The following TENM3 variants were observed in gnomAD, a reference collection of about 807,000 sequenced individuals.
TENM3 encodes teneurin-3.
In TENM3, 63 loss-of-function variants were observed where a neutral mutation model predicts 255.1. That is an observed-to-expected ratio of 0.25 (90% CI 0.20 to 0.30). TENM3 has a LOEUF of 0.30. Among genes scored for constraint, TENM3 ranks in the 10% least tolerant of loss-of-function variants. The pLI is 1.00. For missense variants in TENM3, 2,929 were observed against 3,461.1 expected, an observed-to-expected ratio of 0.85 and a Z score of 3.86; for synonymous variants, 1,306 against 1,322.3, an observed-to-expected ratio of 0.99 and a Z score of 0.27.
the TENM3 span, among the ~76,000 whole-genome samples, chr4:181,913,507 G>C: frequency 1.3e-5 from 2 of 152,130 alleles, no homozygotes; most frequent in Non-Finnish European, 2.9e-5. Flanking sequence ...TTTCCCTGTT[G>C]GCTAGGGTTA....
chr4:182,546,241 TTCAAACCCC>T (rs1289309074), intron 3 of TENM3, among the ~76,000 whole-genome samples: 1 of 152,196 alleles, frequency 6.6e-6, no homozygotes, highest in African/African-American at 2.4e-5. Flanking sequence ...GCCTGCACAG[TTCAAACCCC>T]TGTTGTTGAA....
chr4:182,628,563 G>C (rs1751049520), intron 4 of TENM3, 88 bp from the exon 5 acceptor site: 1 of 797,484 alleles, frequency 1.3e-6, no homozygotes, highest in African/African-American at 1.7e-5. Flanking sequence ...GAGAGCAAAA[G>C]AGACAGGAGA....
the TENM3 span, among the ~76,000 whole-genome samples, chr4:181,783,494 T>G: frequency 7.2e-5 from 11 of 152,172 alleles, no homozygotes; most frequent in Non-Finnish European, 1.5e-4. Context: ...GTTCACATTA[T>G]TTTTTCTTTT....
chr4:181,555,077 C>A, the TENM3 span, among the ~76,000 whole-genome samples: 17 of 152,280 alleles, frequency 1.1e-4, no homozygotes, highest in East Asian at 3.3e-3. Context: ...CCTTTTCTAG[C>A]AGTATTGCCT....
At chr4:181,901,190 A>T in the TENM3 span, among the ~76,000 whole-genome samples, 3 of 152,228 alleles carry the variant, frequency 2.0e-5, no homozygotes, top group Non-Finnish European at 4.4e-5. Flanking sequence ...TACCAAAAAA[A>T]ATATATGAGC....
chr4:181,448,720 T>C, the TENM3 span, among the ~76,000 whole-genome samples: 2 of 152,216 alleles, frequency 1.3e-5, no homozygotes, highest in African/African-American at 2.4e-5. Context: ...AGATAGGATA[T>C]GTAGATCTAA....
chr4:182,786,547 A>ACC (rs373958308), intron 24 of TENM3, among the ~76,000 whole-genome samples: 3 of 131,346 alleles, frequency 2.3e-5, no homozygotes, highest in African/African-American at 9.8e-5. Context: ...ACAGAGTGAG[A>ACC]CCCCGTCTTA....
At chr4:182,152,312 T>C (rs549159456) in intron 1 of TENM3, among the ~76,000 whole-genome samples, 2 of 152,102 alleles carry the variant, frequency 1.3e-5, no homozygotes, top group African/African-American at 4.8e-5. Context: ...AATTTCAACT[T>C]GTTTTTCTTC....
At chr4:181,978,240 C>T in the TENM3 span, among the ~76,000 whole-genome samples, 5 of 152,096 alleles carry the variant, frequency 3.3e-5, no homozygotes, top group African/African-American at 9.7e-5. Flanking sequence ...TGGTGGGAAC[C>T]GAGGCACAGA....
chr4:182,788,072 C>T (rs1323125606), intron 24 of TENM3, among the ~76,000 whole-genome samples: 1 of 152,076 alleles, frequency 6.6e-6, no homozygotes, highest in Non-Finnish European at 1.5e-5. Flanking sequence ...TAAAATTGGT[C>T]AGCTGGATCT....
chr4:181,713,018 C>T, the TENM3 span, among the ~76,000 whole-genome samples: 1 of 152,316 alleles, frequency 6.6e-6, no homozygotes. Context: ...TGAACATTCA[C>T]AGGTAAAAAA....
At chr4:182,432,227 C>A (rs146221282) in intron 3 of TENM3, among the ~76,000 whole-genome samples, 14 of 152,166 alleles carry the variant, frequency 9.2e-5, no homozygotes, top group African/African-American at 2.9e-4. Context: ...AAAATTTCTA[C>A]GTGTAAAAGT....
At chr4:181,888,885 A>G in the TENM3 span, among the ~76,000 whole-genome samples, 23 of 151,514 alleles carry the variant, frequency 1.5e-4, no homozygotes, top group African/African-American at 5.6e-4. Context: ...TTCCCTCCAC[A>G]TTTTTGTTCT....
intron 6 of TENM3, among the ~76,000 whole-genome samples, chr4:182,656,020 T>A (rs1287237114): frequency 6.6e-6 from 1 of 152,220 alleles, no homozygotes; most frequent in African/African-American, 2.4e-5. Context: ...GAAATACTGC[T>A]TTGGTAGCCT....
the TENM3 span, among the ~76,000 whole-genome samples, chr4:181,575,683 G>A: frequency 1.3e-5 from 2 of 152,264 alleles, no homozygotes; most frequent in South Asian, 4.1e-4. Context: ...CTGAATCAGT[G>A]CTCTTACACT....
chr4:181,733,697 G>A, the TENM3 span, among the ~76,000 whole-genome samples: 2 of 152,132 alleles, frequency 1.3e-5, no homozygotes, highest in South Asian at 4.1e-4. Flanking sequence ...GGAAAGGAGA[G>A]GCTCCAGATC....
intron 1 of TENM3, among the ~76,000 whole-genome samples, chr4:182,160,789 A>G (rs887118647): frequency 6.6e-6 from 1 of 152,126 alleles, no homozygotes; most frequent in East Asian, 1.9e-4. Context: ...ATAATAAGCT[A>G]TTGTATATTT....
At chr4:182,313,847 C>T (rs563396980) in intron 1 of TENM3, among the ~76,000 whole-genome samples, 1 of 152,258 alleles carries the variant, frequency 6.6e-6, no homozygotes, top group African/African-American at 2.4e-5. Flanking sequence ...CATGCTGATG[C>T]CACCTCTAAC....
chr4:182,477,394 C>T (rs1733779122), intron 3 of TENM3, among the ~76,000 whole-genome samples: 1 of 152,182 alleles, frequency 6.6e-6, no homozygotes, highest in Non-Finnish European at 1.5e-5. Context: ...CTGCAAGACC[C>T]TGGCAGCCTT....
Sources: allele counts gnomAD v4.1 joint callset (sites outside exome capture counted in the v4.1 genomes callset), GRCh38; gene constraint gnomAD v4.1.1; transcripts MANE v1.5; gene names NCBI Gene and HGNC (gene_info 2026-07-23, HGNC 2026-07-21).